SIRPB1: variants seen among roughly 807,000 people sequenced by gnomAD.
The protein encoded by SIRPB1 is signal regulatory protein beta 1.
In SIRPB1, 28 loss-of-function variants were observed where a neutral mutation model predicts 34.1. The observed-to-expected ratio is 0.82, with a 90% CI of 0.61 to 1.12. The LOEUF is 1.12. SIRPB1 is among the 50% of genes most tolerant of loss of function. SIRPB1 has a pLI of 0.00. For missense variants in SIRPB1, 499 were observed against 507.0 expected, an observed-to-expected ratio of 0.98 and a Z score of 0.15; for synonymous variants, 211 against 203.8, an observed-to-expected ratio of 1.04 and a Z score of -0.30.
chr20:1,565,411 G>A lies in SIRPB1; in HGVS notation c.*89C>T, dbSNP rs1003727599. On this transcript the variant is annotated 3_prime_UTR_variant, in exon 6 of 6. Coordinates refer to ENST00000381605, the MANE Select transcript of SIRPB1 (RefSeq NM_006065.5). Reference sequence around the variant, plus strand: ...AGATGACCTGGGAGAGGAGGCGTTTGGAGCTGAGTGTGGGGAAGGTTCTCG... The same window carrying A: ...AGATGACCTGGGAGAGGAGGCGTTTAGAGCTGAGTGTGGGGAAGGTTCTCG... 1 of 186,976 alleles carries A rather than the reference G, an allele frequency of 5.3e-6. No homozygotes were observed. Among genetic ancestry groups the A allele is most frequent in the African/African-American group, 2.4e-5 (1 of 42,460 alleles). The allele number at this position is 186,976 out of a possible 1,614,324, so 11.6% of individuals were successfully genotyped here.
rs560186640 is a variant in SIRPB1 at position 1,561,450 on chromosome 20, A to C, written c.*4050T>G. Among the ~76,000 whole-genome samples, 6 of 152,256 alleles carry C rather than the reference A, an allele frequency of 3.9e-5. No individual in the cohort carries two copies. Among genetic ancestry groups the C allele is most frequent in the African/African-American group, 1.4e-4 (6 of 41,570 alleles). On this transcript the variant is annotated 3_prime_UTR_variant, in exon 6 of 6. Coordinates refer to ENST00000381605, the MANE Select transcript of SIRPB1 (RefSeq NM_006065.5). ...TTACCTAATGTCGTTTTTCTCTTCC[A>C]GCATCCCATCCAGGATACCTGTTAC...
rs2091483261 is a variant in SIRPB1 at position 1,603,109 on chromosome 20, G to A, written c.76+16760C>T. ...CTCAGACTTACCTTAATTAGTTTGGGCCAGTCATCTGGTCTAATGCCTTGA... is the reference window on the plus strand; with the variant it reads ...CTCAGACTTACCTTAATTAGTTTGGACCAGTCATCTGGTCTAATGCCTTGA... On this transcript the variant is annotated intron_variant, in intron 1 of 5. Transcript: ENST00000381605. 2 of 161,764 alleles carry A rather than the reference G, an allele frequency of 1.2e-5. 1 individual carries two copies. Among genetic ancestry groups the A allele is most frequent in the South Asian group, 9.5e-5 (2 of 21,024 alleles). The allele number at this position is 161,764 out of a possible 1,614,324, so 10.0% of individuals were successfully genotyped here. A position where few individuals can be genotyped will look rare whatever the true frequency, so the allele number is the denominator to read the frequency against.
chr20:1,568,459 C>G (rs2091174714), intron 4 of SIRPB1, among the ~76,000 whole-genome samples: 1 of 152,174 alleles, frequency 6.6e-6, no homozygotes, highest in South Asian at 2.1e-4. Context: ...TCTCTCAGCC[C>G]CAGTGGGTGG....
intron 4 of SIRPB1, among the ~76,000 whole-genome samples, chr20:1,570,351 C>T (rs1184224427): frequency 6.6e-6 from 1 of 152,156 alleles, no homozygotes; most frequent in Non-Finnish European, 1.5e-5. Flanking sequence ...ATTTATAGAG[C>T]AGATGCTGGA....
intron 1 of SIRPB1, among the ~76,000 whole-genome samples, chr20:1,613,662 TA>T (rs945394073): frequency 2.6e-4 from 40 of 152,330 alleles, no homozygotes; most frequent in African/African-American, 9.4e-4. Flanking sequence ...GAAGATGGTA[TA>T]ATTGAAATTA....
rs1162656350 is a variant in SIRPB1, at chr20:1,576,127, G to A, written c.433+2211C>T. On this transcript the variant is annotated intron_variant, in intron 2 of 5. Coordinates refer to ENST00000381605, the MANE Select transcript of SIRPB1 (RefSeq NM_006065.5). ...GAGGAGTGAGTACTTCACTAGGAGT[G>A]AGCAGATCTGAGTCACACCTGAGCC... 6.2e-5 allele frequency among the ~76,000 whole-genome samples: 9 copies of A among 145,878 alleles called. 1 individual carries two copies. The highest frequency in any genetic ancestry group is 2.2e-4 in the African/African-American group (9 of 40,206).
At chr20:1,571,598 A>C in intron 3 of SIRPB1, 122 bp downstream of exon 3, 1 of 1,418,866 alleles carries the variant, frequency 7.0e-7, no homozygotes, top group Non-Finnish European at 9.7e-7. Context: ...ACCTAGGTGC[A>C]TGGGAGGTGG....
In SIRPB1 at chr20:1,565,120, TG is replaced by T; in HGVS notation, c.*379del. On this transcript the variant is annotated 3_prime_UTR_variant, in exon 6 of 6. Coordinates refer to ENST00000381605, the MANE Select transcript of SIRPB1 (RefSeq NM_006065.5). ...AGGCAGTAGAGAACCTCAACAAGGC[TG>T]GGGGAGTTGGGGTAGGCAGGAATCC... The T allele has an allele frequency of 2.5e-6, 1 of 398,444 alleles. No homozygotes were observed. Among genetic ancestry groups the T allele is most frequent in the Non-Finnish European group, 4.4e-6 (1 of 226,154 alleles). 24.7% of individuals were successfully genotyped at this position (398,444 alleles called of 1,614,324 possible). A position where few individuals can be genotyped will look rare whatever the true frequency, so the allele number is the denominator to read the frequency against.
chr20:1,566,699 T>G (rs186759706), intron 4 of SIRPB1, among the ~76,000 whole-genome samples: 1 of 152,126 alleles, frequency 6.6e-6, no homozygotes, highest in African/African-American at 2.4e-5. Flanking sequence ...GACTCCTGAG[T>G]CCAAGACAAG....
At position 1,563,890 on chromosome 20, in the gene SIRPB1, C is replaced by A; in HGVS notation, c.*1610G>T. The A allele has an allele frequency of 6.6e-6, 1 of 152,538 alleles. No homozygotes were observed. The highest frequency in any genetic ancestry group is 2.0e-4 in the South Asian group (1 of 5,092). The allele number at this position is 152,538 out of a possible 1,614,324, so 9.4% of individuals were successfully genotyped here. On this transcript the variant is annotated 3_prime_UTR_variant, in exon 6 of 6. Transcript: ENST00000381605. ...CAGTCACCTCCTACCAGGCCCATCC[C>A]ACAACACATGCAGATTACAATTTAA...
chr20:1,611,553 G>A lies in SIRPB1; in HGVS notation c.76+8316C>T, dbSNP rs776598987. ...GTGGGAAGTGGCCTTCTTTCTGATT[G>A]TAGATTAATTCCCGGCCTGGTCCAG... On this transcript the variant is annotated intron_variant, in intron 1 of 5. Coordinates refer to ENST00000381605, the MANE Select transcript of SIRPB1 (RefSeq NM_006065.5). 8 of 1,020,240 alleles carry A rather than the reference G, an allele frequency of 7.8e-6. 1 individual carries two copies. The highest frequency in any genetic ancestry group is 1.1e-5 in the Non-Finnish European group (8 of 750,684). The allele number at this position is 1,020,240 out of a possible 1,614,324, so 63.2% of individuals were successfully genotyped here.
chr20:1,618,786 G>C (rs1224441177), intron 1 of SIRPB1, among the ~76,000 whole-genome samples: 2 of 152,162 alleles, frequency 1.3e-5, no homozygotes, highest in African/African-American at 4.8e-5. Context: ...GCTGCACCAG[G>C]AAAGGCCCTC....
In SIRPB1 at chr20:1,610,126, T is replaced by A. The variant is rs536278299; in HGVS notation, c.76+9743A>T. Among the ~76,000 whole-genome samples, 26 of 72,670 alleles carry A rather than the reference T, an allele frequency of 3.6e-4. 12 individuals are homozygous for A. The highest frequency in any genetic ancestry group is 2.2e-3 in the African/African-American group (25 of 11,462). 47.7% of individuals were successfully genotyped at this position (72,670 alleles called of 152,430 possible). A position where few individuals can be genotyped will look rare whatever the true frequency, so the allele number is the denominator to read the frequency against. ...CGATATGGAATGACAGGGCTTACATTTGGGAGAAGTTTTCCAATCACAAAC... is the reference window on the plus strand; with the variant it reads ...CGATATGGAATGACAGGGCTTACATATGGGAGAAGTTTTCCAATCACAAAC... On this transcript the variant is annotated intron_variant, in intron 1 of 5. Coordinates refer to ENST00000381605, the MANE Select transcript of SIRPB1 (RefSeq NM_006065.5).
Position 1,618,587 on chromosome 20 carries a change from G to A in SIRPB1, c.76+1282C>T, listed in dbSNP as rs547339463. ...CTGCTGTCATTTGGGTACAGTGTAT[G>A]TGTGAGAAAAATAATTTGAAAAGTG... On this transcript the variant is annotated intron_variant, in intron 1 of 5. Transcript: ENST00000381605. Among the ~76,000 whole-genome samples the A allele has an allele frequency of 3.9e-5, 6 of 152,348 alleles. No homozygotes were observed. In the East Asian group the frequency reaches 1.2e-3, roughly 29 times the overall value.
chr20:1,564,616 C>A lies in SIRPB1; in HGVS notation c.*884G>T. 1 of 278,474 alleles carries A rather than the reference C, an allele frequency of 3.6e-6. No individual in the cohort carries two copies. Among genetic ancestry groups the A allele is most frequent in the Non-Finnish European group, 6.7e-6 (1 of 149,698 alleles). The allele number at this position is 278,474 out of a possible 1,614,324, so 17.3% of individuals were successfully genotyped here. On this transcript the variant is annotated 3_prime_UTR_variant, in exon 6 of 6. Transcript: ENST00000381605. ...AGAGGTGTGGAGAATAGGGATTTAA[C>A]TCTGAGGTTTCCAGCAGCAGGCTTG... is the stretch of plus-strand genomic sequence containing the variant.
chr20:1,567,765 GT>G (rs1053460304), intron 4 of SIRPB1, among the ~76,000 whole-genome samples: 8 of 152,256 alleles, frequency 5.3e-5, no homozygotes, highest in African/African-American at 1.9e-4. Flanking sequence ...GGAAATGGTC[GT>G]TATAAGAACT....
intron 1 of SIRPB1, among the ~76,000 whole-genome samples, chr20:1,614,867 C>A (rs749493111): frequency 6.6e-6 from 1 of 152,050 alleles, no homozygotes; most frequent in Non-Finnish European, 1.5e-5. Context: ...GGCTTTTCAC[C>A]CTGATGACTT....
rs2746607 is a variant in SIRPB1 at position 1,581,286 on chromosome 20, T to G, written c.77-2592A>C. The stretch of plus-strand genomic sequence containing the variant: ...TAAAGATATCCAGTTATGTGTACAT[T>G]TTTTAAAAATCATGCTTCAATATCC... On this transcript the variant is annotated intron_variant, in intron 1 of 5. Transcript: ENST00000381605. Among the ~76,000 whole-genome samples the G allele has an allele frequency of 1.2e-4, 6 of 48,682 alleles. 3 individuals are homozygous for G. Among genetic ancestry groups the G allele is most frequent in the Admixed American group, 2.8e-4 (2 of 7,230 alleles). 31.9% of individuals were successfully genotyped at this position (48,682 alleles called of 152,430 possible).
chr20:1,618,419 T>C (rs2091661759), intron 1 of SIRPB1, among the ~76,000 whole-genome samples: 1 of 152,228 alleles, frequency 6.6e-6, no homozygotes, highest in African/African-American at 2.4e-5. Flanking sequence ...AGTTCCTCCC[T>C]CTGCCTGAGT....
Sources: gnomAD v4.1 joint callset for allele counts (sites outside exome capture counted in the v4.1 genomes callset) on GRCh38, gnomAD v4.1.1 for gene constraint, MANE v1.5 for transcripts, NCBI Gene and HGNC (gene_info 2026-07-23, HGNC 2026-07-21) for gene names.